TUBB8: variants seen among roughly 807,000 people sequenced by gnomAD.
TUBB8 encodes tubulin beta 8 class VIII.
A neutral mutation model predicts 33.7 loss-of-function variants in TUBB8; 25 were observed. That is an observed-to-expected ratio of 0.74 (90% CI 0.54 to 1.04). TUBB8 has a LOEUF of 1.04. Ranked by LOEUF, TUBB8 falls within the 50% of genes least tolerant of loss-of-function variation. TUBB8 has a pLI of 0.00. For missense variants in TUBB8, 279 were observed against 608.0 expected, an observed-to-expected ratio of 0.46 and a Z score of 5.69; for synonymous variants, 245 against 240.1, an observed-to-expected ratio of 1.02 and a Z score of -0.19.
intron 1 of TUBB8, among the ~76,000 whole-genome samples, chr10:61,498 T>C (rs1276818525): frequency 6.6e-6 from 1 of 152,250 alleles, no homozygotes; most frequent in Non-Finnish European, 1.5e-5. Context: ...ATTTTTTTAA[T>C]GTTTTTAGAC....
At chr10:57,171 G>A (rs1481605826) in intron 1 of TUBB8, among the ~76,000 whole-genome samples, 1 of 152,228 alleles carries the variant, frequency 6.6e-6, no homozygotes, top group African/African-American at 2.4e-5. Context: ...TTTAGACCTT[G>A]TGGCTTTGCA....
In TUBB8 at chr10:47,749, G is replaced by C. The variant is rs782071404; in HGVS notation, c.643C>G (p.Leu215Val). 1 of 1,613,572 alleles carries C rather than the reference G, an allele frequency of 6.2e-7. No homozygotes were observed. The highest frequency in any genetic ancestry group is 8.5e-7 in the Non-Finnish European group (1 of 1,180,050). Reference sequence around the variant, plus strand: ...CCATAGGTGGGTGTGGGCAGTTTTAGGGTCTTGGAACATATGTCATACAGA... The same window carrying C: ...CCATAGGTGGGTGTGGGCAGTTTTACGGTCTTGGAACATATGTCATACAGA... ...EALYDICSKTLKLPTPTYGDL... is the reference protein window; with the variant it reads ...EALYDICSKTVKLPTPTYGDL... The change falls in exon 4 of 4, where the codon CTA (leucine) becomes GTA (valine). Residue 215 changes from leucine to valine, a missense_variant. This residue lies in a region of TUBB8 where 96 missense variants were observed against 233.7 expected (regional missense o/e 0.41). Coordinates refer to ENST00000568584, the MANE Select transcript of TUBB8 (RefSeq NM_177987.3).
intron 1 of TUBB8, among the ~76,000 whole-genome samples, chr10:67,147 TTTG>T (rs1212735277): frequency 1.3e-5 from 1 of 79,622 alleles, no homozygotes; most frequent in Non-Finnish European, 2.4e-5. Flanking sequence ...GTTTTGTTTT[TTTG>T]TTGTTTTTTT....
At chr10:68,228 T>A (rs1340177319) in intron 1 of TUBB8, among the ~76,000 whole-genome samples, 2 of 152,238 alleles carry the variant, frequency 1.3e-5, no homozygotes, top group Admixed American at 6.5e-5. Context: ...ATAAGACTGA[T>A]GTGAAGCCCA....
At chr10:52,605 T>C (rs1834482928), upstream of TUBB8, among the ~76,000 whole-genome samples, 1 of 152,246 alleles carries the variant, frequency 6.6e-6, no homozygotes, top group Non-Finnish European at 1.5e-5. Context: ...TCGGGGCTAT[T>C]CGTTTTAACA....
At chr10:59,588 T>G (rs1834572918) in intron 1 of TUBB8, among the ~76,000 whole-genome samples, 1 of 152,378 alleles carries the variant, frequency 6.6e-6, no homozygotes, top group South Asian at 2.1e-4. Context: ...ATGAATTACC[T>G]ATTTATGTAT....
At chr10:50,934 T>C (rs192781336), upstream of TUBB8, among the ~76,000 whole-genome samples, 8 of 152,328 alleles carry the variant, frequency 5.3e-5, 1 homozygote, top group Admixed American at 4.6e-4. Flanking sequence ...CTCTCTTATG[T>C]CTGGCCTGCT....
intron 1 of TUBB8, 86 bp from the exon 2 acceptor site, chr10:48,998 C>A: frequency 2.4e-6 from 3 of 1,229,848 alleles, no homozygotes; most frequent in East Asian, 2.6e-5. Context: ...CTCATCCGCA[C>A]CCCCATCCCT....
rs782531975 is a variant in TUBB8 at position 47,015 on chromosome 10, G to A, written c.*42C>T. 2.9e-6 allele frequency: 2 copies of A among 679,262 alleles called. No individual in the cohort carries two copies. Among genetic ancestry groups the A allele is most frequent in the African/African-American group, 1.9e-5 (1 of 53,464 alleles). 42.1% of individuals were successfully genotyped at this position (679,262 alleles called of 1,614,324 possible). A position where few individuals can be genotyped will look rare whatever the true frequency, so the allele number is the denominator to read the frequency against. On this transcript the variant is annotated 3_prime_UTR_variant, in exon 4 of 4. Transcript: ENST00000568584. ...CACATGGCTGTCAGAACACAGTAAA[G>A]AATCCACACTGCTTCCCCCCTTTAC... is the stretch of plus-strand genomic sequence containing the variant.
At chr10:46,633 T>C (rs1220572559), downstream of TUBB8, among the ~76,000 whole-genome samples, 8 of 150,112 alleles carry the variant, frequency 5.3e-5, no homozygotes, top group Admixed American at 2.7e-4. Flanking sequence ...CCTAGAAGTT[T>C]GGTATATGGG....
upstream of TUBB8, among the ~76,000 whole-genome samples, chr10:75,257 G>A (rs1230034029): frequency 1.3e-5 from 2 of 152,012 alleles, no homozygotes; most frequent in African/African-American, 4.8e-5. Flanking sequence ...GCTGAGGCCG[G>A]AGGATTGCTG....
rs782189154 is a variant in TUBB8 at position 47,210 on chromosome 10, G to A, written c.1182C>T (p.Phe394=). 7 of 1,613,012 alleles carry A rather than the reference G, an allele frequency of 4.3e-6. No individual in the cohort carries two copies. The highest frequency in any genetic ancestry group is 5.9e-6 in the Non-Finnish European group (7 of 1,179,866). ...QFTAMFRRKA[F]LHWYTGEGMD... is the part of the protein sequence containing the mutation. Reference sequence around the variant, plus strand: ...TGCCCTCGCCCGTGTACCAGTGGAGGAAGGCCTTGCGCCTGAACATTGCTG... The same window carrying A: ...TGCCCTCGCCCGTGTACCAGTGGAGAAAGGCCTTGCGCCTGAACATTGCTG... Residue 394 remains phenylalanine (F), a synonymous_variant, in exon 4 of 4, where the codon TTC becomes TTT. Coordinates refer to ENST00000568584, the MANE Select transcript of TUBB8 (RefSeq NM_177987.3).
rs778521360 is a variant in TUBB8 at position 47,064 on chromosome 10, ACCTCCTCCTCGGCATACTCCTCATCCT to A, written c.1301_1327del (p.Glu434_Glu442del). ...ACCTAGAAAAGGAGAGTTCTAGGCC[ACCTCCTCCTCGGCATACTCCTCATCCT>A]CCTCCTCCTCGGCCGTGGCATCCTG... On this transcript the variant is annotated inframe_deletion, in exon 4 of 4. Coordinates refer to ENST00000568584, the MANE Select transcript of TUBB8 (RefSeq NM_177987.3). The A allele has an allele frequency of 9.4e-5, 105 of 1,117,948 alleles. No individual in the cohort carries two copies. The highest frequency in any genetic ancestry group is 2.9e-4 in the Middle Eastern group (1 of 3,458). The allele number at this position is 1,117,948 out of a possible 1,614,324, so 69.3% of individuals were successfully genotyped here.
upstream of TUBB8, among the ~76,000 whole-genome samples, chr10:53,138 T>C (rs557550630): frequency 1.8e-3 from 275 of 152,284 alleles, no homozygotes; most frequent in Non-Finnish European, 2.9e-3. Flanking sequence ...TATTTATTAT[T>C]ATTATTTTGA....
upstream of TUBB8, among the ~76,000 whole-genome samples, chr10:54,025 A>G (rs1188852501): frequency 6.6e-6 from 1 of 152,128 alleles, no homozygotes; most frequent in Non-Finnish European, 1.5e-5. Context: ...TCAAGCATTT[A>G]TAGCTTGTTT....
At chr10:76,621 C>T (rs1195749200), upstream of TUBB8, among the ~76,000 whole-genome samples, 10 of 95,774 alleles carry the variant, frequency 1.0e-4, no homozygotes, top group Non-Finnish European at 2.1e-4. Flanking sequence ...CCGTGCGGTT[C>T]GGACACGGTT....
chr10:68,669 T>G (rs1834701767), intron 1 of TUBB8, among the ~76,000 whole-genome samples: 1 of 152,200 alleles, frequency 6.6e-6, no homozygotes, highest in Non-Finnish European at 1.5e-5. Flanking sequence ...ACTTATCCCT[T>G]CTCTTAGATT....
At chr10:67,019 T>A (rs1398413470) in intron 1 of TUBB8, among the ~76,000 whole-genome samples, 13 of 152,200 alleles carry the variant, frequency 8.5e-5, no homozygotes, top group Non-Finnish European at 1.0e-4. Flanking sequence ...TGGGTTTATT[T>A]CTGAACTCAA....
At chr10:64,957 G>A (rs373047764) in intron 1 of TUBB8, among the ~76,000 whole-genome samples, 14,847 of 113,524 alleles carry the variant, frequency 0.13, no homozygotes, top group African/African-American at 0.29. Context: ...GTCAACATGA[G>A]GAAACCCCCA....
Sources: gnomAD v4.1 joint callset for allele counts (sites outside exome capture counted in the v4.1 genomes callset) on GRCh38, gnomAD v4.1.1 for gene constraint, gnomAD v4.1.1 regional missense constraint, MANE v1.5 for transcripts, NCBI Gene and HGNC (gene_info 2026-07-23, HGNC 2026-07-21) for gene names.